The following SLX4IP variants were observed in gnomAD, a reference collection of about 807,000 sequenced individuals.
SLX4IP encodes the protein SLX4 interacting protein, also known as protein SLX4IP.
A neutral mutation model predicts 32.9 loss-of-function variants in SLX4IP; 34 were observed. That is an observed-to-expected ratio of 1.03 (90% CI 0.79 to 1.38). SLX4IP has a LOEUF of 1.38. SLX4IP is among the 40% of genes most tolerant of loss of function. The pLI is 0.00. For missense variants in SLX4IP, 444 were observed against 479.0 expected, an observed-to-expected ratio of 0.93 and a Z score of 0.68; for synonymous variants, 172 against 171.7, an observed-to-expected ratio of 1.00 and a Z score of -0.01.
intron 2 of SLX4IP, among the ~76,000 whole-genome samples, chr20:10,547,700 G>A (rs2066176230): frequency 6.6e-6 from 1 of 152,202 alleles, no homozygotes; most frequent in South Asian, 2.1e-4. Flanking sequence ...TGATTCTGCA[G>A]TGTTTTTTTT....
chr20:10,516,386 A>G (rs79830201), intron 2 of SLX4IP, among the ~76,000 whole-genome samples: 87,098 of 151,960 alleles, frequency 0.57, 25,583 homozygotes, highest in South Asian at 0.72. Flanking sequence ...TCAACAGATT[A>G]ATGTTGATTA....
chr20:10,497,998 A>T (rs985568120), intron 2 of SLX4IP, among the ~76,000 whole-genome samples: 8 of 151,796 alleles, frequency 5.3e-5, no homozygotes, highest in African/African-American at 1.7e-4. Flanking sequence ...GCATATTATC[A>T]GTTCCATGAC....
intron 4 of SLX4IP, among the ~76,000 whole-genome samples, chr20:10,577,277 C>A (rs1373318702): frequency 6.6e-6 from 1 of 152,014 alleles, no homozygotes; most frequent in East Asian, 1.9e-4. Flanking sequence ...ATAAATAATG[C>A]CCTTATGATG....
rs1306925736 is a variant in SLX4IP, at chr20:10,514,548, G to C, written c.28-41683G>C. Among the ~76,000 whole-genome samples, 3 of 152,196 alleles carry C rather than the reference G, an allele frequency of 2.0e-5. No homozygotes were observed. The South Asian group carries it at 6.2e-4, about 31-fold the overall frequency. On this transcript the variant is annotated intron_variant, in intron 2 of 7. Coordinates refer to ENST00000334534, the MANE Select transcript of SLX4IP (RefSeq NM_001009608.3). Reference sequence around the variant, plus strand: ...TTGTAGCACGGAAGGATCACCCTCTGTACAATGCATTAAGTATTTAATAAC... The same window carrying C: ...TTGTAGCACGGAAGGATCACCCTCTCTACAATGCATTAAGTATTTAATAAC...
At chr20:10,586,095 TG>T (rs1434378125) in intron 4 of SLX4IP, among the ~76,000 whole-genome samples, 1 of 152,236 alleles carries the variant, frequency 6.6e-6, no homozygotes, top group African/African-American at 2.4e-5. Flanking sequence ...CAACCAAGCC[TG>T]TCTCTGATTT....
chr20:10,535,976 G>A (rs2066039153), intron 2 of SLX4IP, among the ~76,000 whole-genome samples: 1 of 143,772 alleles, frequency 7.0e-6, no homozygotes, highest in African/African-American at 2.5e-5. Flanking sequence ...AGAAAGATGA[G>A]CCTGGAAACA....
At chr20:10,589,734 C>A (rs191181515) in intron 4 of SLX4IP, among the ~76,000 whole-genome samples, 1 of 152,152 alleles carries the variant, frequency 6.6e-6, no homozygotes, top group Admixed American at 6.5e-5. Context: ...AAACAACATT[C>A]ATCATATGAT....
intron 1 of SLX4IP, among the ~76,000 whole-genome samples, chr20:10,447,648 C>T (rs6074146): frequency 0.49 from 74,499 of 151,726 alleles, 19,738 homozygotes; most frequent in Non-Finnish European, 0.6. Context: ...TCTAATGTTA[C>T]CTTTTTATTT....
At position 10,623,231 on chromosome 20, in the gene SLX4IP, A is replaced by G. The variant is rs1164925216; in HGVS notation, c.1079A>G (p.His360Arg). 5.6e-6 allele frequency: 9 copies of G among 1,614,110 alleles called. No individual in the cohort carries two copies. The highest frequency in any genetic ancestry group is 2.7e-5 in the African/African-American group (2 of 74,946). Residue 360 changes from histidine (H) to arginine (R), a missense_variant, in exon 8 of 8, where the codon CAT becomes CGT. Transcript: ENST00000334534. The part of the protein sequence containing the change: ...LAKTTSKEEL[H>R]VLESLSSRHL... ...AAAACCACGTCTAAGGAAGAGTTGC[A>G]TGTTTTGGAAAGTCTCTCCTCCAGA...
chr20:10,513,875 C>T (rs2065830228), intron 2 of SLX4IP, among the ~76,000 whole-genome samples: 1 of 152,194 alleles, frequency 6.6e-6, no homozygotes. Flanking sequence ...CCACACTAGT[C>T]TCTGGACTCT....
chr20:10,477,730 C>T (rs1402025198), intron 2 of SLX4IP, among the ~76,000 whole-genome samples: 1 of 152,158 alleles, frequency 6.6e-6, no homozygotes, highest in African/African-American at 2.4e-5. Context: ...AACTGGTAAG[C>T]ATTTACCAAA....
chr20:10,565,537 CA>C (rs950762071), intron 4 of SLX4IP, among the ~76,000 whole-genome samples: 2 of 152,132 alleles, frequency 1.3e-5, no homozygotes, highest in African/African-American at 4.8e-5. Flanking sequence ...TTGAGTCCAC[CA>C]CAAGGCAAAA....
In SLX4IP at chr20:10,458,227, T is replaced by C; in HGVS notation, c.23T>C (p.Val8Ala). 1 of 1,590,410 alleles carries C rather than the reference T, an allele frequency of 6.3e-7. No homozygotes were observed. Among genetic ancestry groups the C allele is most frequent in the Non-Finnish European group, 8.5e-7 (1 of 1,171,314 alleles). Residue 8 changes from valine (V) to alanine (A), a missense_variant, in exon 2 of 8, where the codon GTT (valine) becomes GCT (alanine). By Grantham distance (64) the Val-to-Ala change is moderately conservative. Transcript: ENST00000334534. Reference sequence around the variant, plus strand: ...GCCATGGCATCTAAGAAATTTGCTGTTAAAGTAAGTAATGTTTAATAGCTT... The same window carrying C: ...GCCATGGCATCTAAGAAATTTGCTGCTAAAGTAAGTAATGTTTAATAGCTT... The part of the protein sequence containing the change: MASKKFA[V>A]KCGNFAVLVD...
chr20:10,540,177 TTCCC>T (rs1244054361), intron 2 of SLX4IP, among the ~76,000 whole-genome samples: 5 of 146,650 alleles, frequency 3.4e-5, no homozygotes, highest in Non-Finnish European at 3.0e-5. Flanking sequence ...CCTTCCTTCC[TTCCC>T]TCCCTCCCTC....
At chr20:10,606,039 T>G (rs1288204711) in intron 6 of SLX4IP, among the ~76,000 whole-genome samples, 2 of 152,166 alleles carry the variant, frequency 1.3e-5, no homozygotes, top group Admixed American at 6.5e-5. Context: ...CCTCCTCTCA[T>G]TCAAGGGGGA....
chr20:10,609,608 C>G (rs2066942786), intron 6 of SLX4IP, among the ~76,000 whole-genome samples: 1 of 152,212 alleles, frequency 6.6e-6, no homozygotes, highest in South Asian at 2.1e-4. Flanking sequence ...GCCCTACTCC[C>G]TGCGCAGCTG....
intron 1 of SLX4IP, among the ~76,000 whole-genome samples, chr20:10,448,480 G>T (rs564885773): frequency 5.3e-5 from 8 of 152,258 alleles, no homozygotes; most frequent in African/African-American, 1.9e-4. Flanking sequence ...CTGAAGTAGA[G>T]GTAATAGTCA....
intron 4 of SLX4IP, among the ~76,000 whole-genome samples, chr20:10,592,349 C>T (rs574561941): frequency 6.8e-4 from 101 of 148,272 alleles, no homozygotes; most frequent in African/African-American, 2.4e-3. Flanking sequence ...TTCTCCAACC[C>T]CCCCCCATCA....
At chr20:10,494,896 G>C (rs2065653669) in intron 2 of SLX4IP, among the ~76,000 whole-genome samples, 1 of 152,074 alleles carries the variant, frequency 6.6e-6, no homozygotes, top group African/African-American at 2.4e-5. Flanking sequence ...TTTCAGTTAG[G>C]AGAAATAAGT....
Sources: gnomAD v4.1 joint callset for allele counts (sites outside exome capture counted in the v4.1 genomes callset) on GRCh38, gnomAD v4.1.1 for gene constraint, MANE v1.5 for transcripts, NCBI Gene and HGNC (gene_info 2026-07-23, HGNC 2026-07-21) for gene names.